CACNA1C: variants seen among roughly 807,000 people sequenced by gnomAD.
The protein encoded by CACNA1C is calcium voltage-gated channel subunit alpha1 C.
Under a neutral mutation model 229.0 loss-of-function variants are expected in CACNA1C, and 30 were observed. That is an observed-to-expected ratio of 0.13 (90% confidence interval 0.10 to 0.18). The LOEUF (loss-of-function observed/expected upper bound fraction) is 0.18. Among genes scored for constraint, CACNA1C ranks in the 10% least tolerant of loss-of-function variants. The probability of loss-of-function intolerance (pLI) is 1.00; values close to 1 mark genes in which losing one functional copy is unlikely to be tolerated. For missense variants in CACNA1C, 1,658 were observed against 2,845.0 expected, an observed-to-expected ratio of 0.58 and a Z score of 9.49; for synonymous variants, 1,114 against 1,132.5, an observed-to-expected ratio of 0.98 and a Z score of 0.33.
rs1375538835 is a variant in CACNA1C, at chr12:2,582,809, ATG to A, written c.2104-9_2104-8del. ...AACGCTGTGTCCCTTATTGGTGGGA[ATG>A]TGTCATTCAGATCCTGACCGGGGAG... On this transcript the variant is annotated splice_polypyrimidine_tract_variant and intron_variant, in intron 14 of 46. Coordinates refer to ENST00000399655, the MANE Select transcript of CACNA1C (RefSeq NM_000719.7). 1 of 1,613,336 alleles carries A rather than the reference ATG, an allele frequency of 6.2e-7. No individual in the cohort carries two copies.
chr12:2,212,288 G>C (rs1304023145), intron 3 of CACNA1C, among the ~76,000 whole-genome samples: 3 of 152,216 alleles, frequency 2.0e-5, no homozygotes, highest in African/African-American at 4.8e-5. Context: ...GAACTCAAAG[G>C]TAAGTGTGGT....
At chr12:2,239,689 A>G (rs1382343552) in intron 3 of CACNA1C, among the ~76,000 whole-genome samples, 1 of 152,182 alleles carries the variant, frequency 6.6e-6, no homozygotes, top group African/African-American at 2.4e-5. Flanking sequence ...TTACCAGGGC[A>G]GGTTTTCAGG....
At chr12:2,123,768 T>C (rs2088324743) in intron 3 of CACNA1C, among the ~76,000 whole-genome samples, 1 of 152,206 alleles carries the variant, frequency 6.6e-6, no homozygotes, top group South Asian at 2.1e-4. Context: ...TAATTTGCAA[T>C]GTATCACATT....
intron 3 of CACNA1C, among the ~76,000 whole-genome samples, chr12:2,259,692 CGTTTT>C (rs1282989745): frequency 6.6e-6 from 1 of 152,128 alleles, no homozygotes; most frequent in Non-Finnish European, 1.5e-5. Flanking sequence ...AGGAGCTATA[CGTTTT>C]GTTTTGTTTT....
intron 30 of CACNA1C, among the ~76,000 whole-genome samples, chr12:2,644,935 G>C (rs2094171040): frequency 6.6e-6 from 1 of 152,190 alleles, no homozygotes; most frequent in Non-Finnish European, 1.5e-5. Context: ...CCCTGAGCCT[G>C]TTATCTGGAA....
At chr12:2,538,184 A>G (rs2099860473) in intron 9 of CACNA1C, among the ~76,000 whole-genome samples, 1 of 152,226 alleles carries the variant, frequency 6.6e-6, no homozygotes, top group African/African-American at 2.4e-5. Flanking sequence ...AGCAGTGATC[A>G]TAATTATGGT....
intron 3 of CACNA1C, among the ~76,000 whole-genome samples, chr12:2,427,749 G>A (rs2099046419): frequency 6.6e-6 from 1 of 152,108 alleles, no homozygotes; most frequent in African/African-American, 2.4e-5. Context: ...AGCCTCCCAA[G>A]TAGCTGGAAT....
intron 3 of CACNA1C, among the ~76,000 whole-genome samples, chr12:2,284,832 G>A (rs1041199018): frequency 6.6e-6 from 1 of 152,156 alleles, no homozygotes; most frequent in African/African-American, 2.4e-5. Flanking sequence ...CTGCTCCAAG[G>A]GGAAGCAAGG....
rs1257413538 is a variant in CACNA1C at position 2,335,461 on chromosome 12, A to G, written c.478-113515A>G. 2.0e-5 allele frequency among the ~76,000 whole-genome samples: 3 copies of G among 152,046 alleles called. No homozygotes were observed. The South Asian group carries it at 6.2e-4, about 32-fold the overall frequency. ...GTTAAAAAAAAAAAACCTTAAACAT[A>G]ATGTAGAAAGATGTGCAGGTATGGA... is the stretch of plus-strand genomic sequence containing the variant. On this transcript the variant is annotated intron_variant, in intron 3 of 46. Coordinates refer to ENST00000399655, the MANE Select transcript of CACNA1C (RefSeq NM_000719.7).
In CACNA1C at chr12:2,646,768, A is replaced by AAG. The variant is rs59068153; in HGVS notation, c.3913-1686_3913-1685dup. ...TGCCTGTATGAGAGAGAGAGAGAGA[A>AAG]AGAGAGAGAGAGAGAGAGAGAGTGT... On this transcript the variant is annotated intron_variant, in intron 30 of 46. Transcript: ENST00000399655. This position sits in a 1 kb window ranked among gnomAD's most constrained non-coding sequence, Gnocchi z 4.6. 0.51 allele frequency among the ~76,000 whole-genome samples: 74,347 copies of AAG among 146,302 alleles called. 20,125 individuals carry two copies. The highest frequency in any genetic ancestry group is 0.7 in the East Asian group (3,455 of 4,964).
intron 20 of CACNA1C, among the ~76,000 whole-genome samples, chr12:2,596,591 G>A (rs894473788): frequency 5.3e-5 from 8 of 152,176 alleles, no homozygotes; most frequent in Non-Finnish European, 1.2e-4. Context: ...ACCACTCTGC[G>A]CTCCTGGGGC....
chr12:2,184,185 C>T (rs925363949), intron 3 of CACNA1C, among the ~76,000 whole-genome samples: 19 of 152,208 alleles, frequency 1.2e-4, no homozygotes, highest in East Asian at 1.9e-4. Context: ...TGTTGAAAGC[C>T]GGCAGGAAGA....
At position 2,565,330 on chromosome 12, in the gene CACNA1C, G is replaced by A. The variant is rs554428387; in HGVS notation, c.1509-1092G>A. Among the ~76,000 whole-genome samples the A allele has an allele frequency of 3.9e-3, 599 of 151,926 alleles. 4 individuals carry two copies. Among genetic ancestry groups the A allele is most frequent in the African/African-American group, 0.012 (496 of 41,432 alleles). On this transcript the variant is annotated intron_variant, in intron 11 of 46. Transcript: ENST00000399655. ...AAAATACAAAAAATTAGCCGGGCGC[G>A]GTGGCGGGCGCCTGTAGTCCCAGCT...
Position 2,606,965 on chromosome 12 carries a change from CCTT to C in CACNA1C, c.3210-16_3210-14del, listed in dbSNP as rs1568743037. The C allele has an allele frequency of 1.9e-6, 3 of 1,612,328 alleles. No homozygotes were observed. The highest frequency in any genetic ancestry group is 2.5e-6 in the Non-Finnish European group (3 of 1,178,604). On this transcript the variant is annotated splice_polypyrimidine_tract_variant and intron_variant, in intron 25 of 46. Coordinates refer to ENST00000399655, the MANE Select transcript of CACNA1C (RefSeq NM_000719.7). ...AAGATGGGAGATCCCAGAGTAAACTCCTTCTCCTCCTCTCTCAGGGGCAACTAC... is the reference window on the plus strand; with the variant it reads ...AAGATGGGAGATCCCAGAGTAAACTCCTCCTCCTCTCTCAGGGGCAACTAC...
In CACNA1C at chr12:2,349,216, T is replaced by C. The variant is rs114863911; in HGVS notation, c.478-99760T>C. Among the ~76,000 whole-genome samples, 1,473 of 152,216 alleles carry C rather than the reference T, an allele frequency of 9.7e-3. 31 individuals are homozygous for C. The highest frequency in any genetic ancestry group is 0.034 in the African/African-American group (1,393 of 41,522). Reference sequence around the variant, plus strand: ...ACTGGAAAACGTCAGAAGGGTAGAATACAATACAAACACCGTTAGGACTGA... The same window carrying C: ...ACTGGAAAACGTCAGAAGGGTAGAACACAATACAAACACCGTTAGGACTGA... On this transcript the variant is annotated intron_variant, in intron 3 of 46. Coordinates refer to ENST00000399655, the MANE Select transcript of CACNA1C (RefSeq NM_000719.7).
intron 10 of CACNA1C, among the ~76,000 whole-genome samples, chr12:2,552,801 A>G (rs4765696): frequency 0.97 from 147,789 of 152,174 alleles, 71,905 homozygotes; most frequent in East Asian, 1. Flanking sequence ...GCCACGACAG[A>G]GTGCTCACTC....
In CACNA1C at chr12:2,666,062, G is replaced by T. The variant is rs905022325; in HGVS notation, c.4526+354G>T. Among the ~76,000 whole-genome samples the T allele has an allele frequency of 3.3e-5, 5 of 152,162 alleles. No individual in the cohort carries two copies. Among genetic ancestry groups the T allele is most frequent in the African/African-American group, 1.2e-4 (5 of 41,416 alleles). Reference sequence around the variant, plus strand: ...AAATTAGCCGGACATGGTGGCACATGCCTATAATCCCAGCTACTCAGGAGG... The same window carrying T: ...AAATTAGCCGGACATGGTGGCACATTCCTATAATCCCAGCTACTCAGGAGG... On this transcript the variant is annotated intron_variant, in intron 36 of 46. Coordinates refer to ENST00000399655, the MANE Select transcript of CACNA1C (RefSeq NM_000719.7). This position sits in a 1 kb window ranked among gnomAD's most constrained non-coding sequence, Gnocchi z 5.3.
chr12:2,551,467 G>A (rs6489373), intron 10 of CACNA1C, among the ~76,000 whole-genome samples: 150,420 of 152,320 alleles, frequency 0.99, 74,301 homozygotes, highest in Middle Eastern at 1. Context: ...TGTGCATACA[G>A]AACGCTGAGT....
intron 4 of CACNA1C, among the ~76,000 whole-genome samples, chr12:2,455,377 A>T (rs1244314278): frequency 6.6e-6 from 1 of 152,236 alleles, no homozygotes; most frequent in African/African-American, 2.4e-5. Flanking sequence ...AGCATATTTC[A>T]AAGATTTAGT....
Sources: allele counts gnomAD v4.1 joint callset (sites outside exome capture counted in the v4.1 genomes callset), GRCh38; gene constraint gnomAD v4.1.1; non-coding constraint Gnocchi (gnomAD v3.1); transcripts MANE v1.5; gene names NCBI Gene and HGNC (gene_info 2026-07-23, HGNC 2026-07-21).